CNTN5: variants seen among roughly 807,000 people sequenced by gnomAD.
CNTN5 encodes the protein contactin-5.
In CNTN5, 77 loss-of-function variants were observed where a neutral mutation model predicts 129.1. The observed-to-expected ratio is 0.60, with a 90% CI of 0.50 to 0.72. CNTN5 has a LOEUF of 0.72. Ranked by LOEUF, CNTN5 falls within the 30% of genes least tolerant of loss-of-function variation. The probability of loss-of-function intolerance (pLI) is 0.00; values close to 1 mark genes in which losing one functional copy is unlikely to be tolerated. For missense variants in CNTN5, 1,478 were observed against 1,328.8 expected, an observed-to-expected ratio of 1.11 and a Z score of -1.75; for synonymous variants, 509 against 465.6, an observed-to-expected ratio of 1.09 and a Z score of -1.20.
At chr11:100,226,763 A>T (rs1218661121) in intron 16 of CNTN5, among the ~76,000 whole-genome samples, 6 of 152,126 alleles carry the variant, frequency 3.9e-5, no homozygotes, top group Admixed American at 1.3e-4. Flanking sequence ...GTTCTCTTTT[A>T]AAAAATTTTG....
chr11:99,619,967 A>T (rs1214759588), intron 3 of CNTN5, among the ~76,000 whole-genome samples: 1 of 145,862 alleles, frequency 6.9e-6, no homozygotes, highest in African/African-American at 2.5e-5. Flanking sequence ...CGGAGCTTGC[A>T]GTGAGCCGAG....
At chr11:99,739,036 G>C (rs976711855) in intron 3 of CNTN5, among the ~76,000 whole-genome samples, 2 of 152,118 alleles carry the variant, frequency 1.3e-5, no homozygotes, top group African/African-American at 4.8e-5. Context: ...AAACATCTGA[G>C]TCTTCTGGGG....
intron 18 of CNTN5, among the ~76,000 whole-genome samples, chr11:100,272,383 A>C (rs1272404543): frequency 6.6e-6 from 1 of 152,214 alleles, no homozygotes; most frequent in Non-Finnish European, 1.5e-5. Context: ...AACTGAACCA[A>C]AAATATGACT....
intron 13 of CNTN5, among the ~76,000 whole-genome samples, chr11:100,159,362 A>G (rs1217566212): frequency 6.6e-6 from 1 of 151,988 alleles, no homozygotes. Flanking sequence ...ATATAATGTT[A>G]AATTTGTACT....
intron 15 of CNTN5, among the ~76,000 whole-genome samples, chr11:100,210,347 CAAAAAA>C (rs374618789): frequency 1.2e-5 from 1 of 80,916 alleles, no homozygotes; most frequent in Non-Finnish European, 2.4e-5. Context: ...GAGACTATCT[CAAAAAA>C]AAAAAAAAAA....
chr11:100,270,347 T>G (rs1950387149), intron 17 of CNTN5, among the ~76,000 whole-genome samples: 1 of 152,108 alleles, frequency 6.6e-6, no homozygotes, highest in African/African-American at 2.4e-5. Flanking sequence ...TACAAAGAAA[T>G]CCAAGAATGA....
intron 6 of CNTN5, among the ~76,000 whole-genome samples, chr11:99,871,292 G>A (rs1010778249): frequency 6.6e-6 from 1 of 151,836 alleles, no homozygotes; most frequent in African/African-American, 2.4e-5. Context: ...AATAATCAGA[G>A]CTCTACAATT....
intron 9 of CNTN5, among the ~76,000 whole-genome samples, chr11:100,050,070 T>A (rs534389052): frequency 0.023 from 3,540 of 152,256 alleles, 133 homozygotes; most frequent in African/African-American, 0.08. Flanking sequence ...AGTGTGGCGA[T>A]TCCTCAGGGA....
intron 7 of CNTN5, among the ~76,000 whole-genome samples, chr11:99,931,678 T>A (rs1175194161): frequency 1.3e-5 from 2 of 152,236 alleles, no homozygotes; most frequent in Non-Finnish European, 2.9e-5. Flanking sequence ...TGTTTCCATG[T>A]TACGTTCATT....
intron 13 of CNTN5, among the ~76,000 whole-genome samples, chr11:100,189,848 G>C (rs1948421074): frequency 6.6e-6 from 1 of 151,982 alleles, no homozygotes; most frequent in African/African-American, 2.4e-5. Flanking sequence ...TTTCTAGTTT[G>C]ACTTTTTTTC....
At chr11:99,922,098 G>A (rs1160115839) in intron 7 of CNTN5, among the ~76,000 whole-genome samples, 1 of 152,142 alleles carries the variant, frequency 6.6e-6, no homozygotes, top group Non-Finnish European at 1.5e-5. Context: ...GAGGTTTAAT[G>A]GACTCACAGT....
At position 99,131,235 on chromosome 11, in the gene CNTN5, G is replaced by A. The variant is rs1210397538; in HGVS notation, c.-210+109965G>A. ...TGCACTCCAGCCTGGGTGACAGAGT[G>A]AGACTCCATCTCAGAAAAAAAAAAA... On this transcript the variant is annotated intron_variant, in intron 1 of 24. Transcript: ENST00000524871. Among the ~76,000 whole-genome samples the A allele has an allele frequency of 1.9e-4, 13 of 69,276 alleles. No individual in the cohort carries two copies. In the Admixed American group the frequency reaches 2.4e-3, roughly 13 times the overall value. 45.4% of individuals were successfully genotyped at this position (69,276 alleles called of 152,430 possible). A position where few individuals can be genotyped will look rare whatever the true frequency, so the allele number is the denominator to read the frequency against.
intron 1 of CNTN5, among the ~76,000 whole-genome samples, chr11:99,132,498 G>A (rs551392572): frequency 2.6e-5 from 4 of 152,264 alleles, no homozygotes; most frequent in Non-Finnish European, 5.9e-5. Flanking sequence ...CCTATATCTA[G>A]AAAACCCCAT....
intron 1 of CNTN5, among the ~76,000 whole-genome samples, chr11:99,266,171 A>G (rs1159280571): frequency 6.6e-6 from 1 of 152,122 alleles, no homozygotes; most frequent in Non-Finnish European, 1.5e-5. Context: ...CCAACAATTG[A>G]CGATATTTGA....
At chr11:99,647,873 T>C (rs540948063) in intron 3 of CNTN5, among the ~76,000 whole-genome samples, 1 of 151,974 alleles carries the variant, frequency 6.6e-6, no homozygotes, top group Non-Finnish European at 1.5e-5. Context: ...TTCTTGTATG[T>C]TGATTTTGTA....
At chr11:99,792,096 C>T (rs192555244) in intron 3 of CNTN5, among the ~76,000 whole-genome samples, 4 of 151,804 alleles carry the variant, frequency 2.6e-5, no homozygotes, top group African/African-American at 9.7e-5. Context: ...TTATTTTTTT[C>T]TCTTGCCTGT....
At chr11:100,139,886 T>A (rs562752886) in intron 13 of CNTN5, among the ~76,000 whole-genome samples, 1 of 151,836 alleles carries the variant, frequency 6.6e-6, no homozygotes, top group Non-Finnish European at 1.5e-5. Flanking sequence ...AATAATAGGT[T>A]AATATTTAGA....
intron 2 of CNTN5, among the ~76,000 whole-genome samples, chr11:99,406,665 G>A (rs1020987289): frequency 6.6e-6 from 1 of 152,206 alleles, no homozygotes; most frequent in Non-Finnish European, 1.5e-5. Context: ...GACTTGGACA[G>A]GTCCAGAGGT....
chr11:99,875,721 G>T (rs1948615687), intron 6 of CNTN5, among the ~76,000 whole-genome samples: 3 of 150,006 alleles, frequency 2.0e-5, no homozygotes, highest in African/African-American at 7.3e-5. Context: ...CTAAAAGTCT[G>T]TACACTCTGG....
Sources: gnomAD v4.1 joint callset for allele counts (sites outside exome capture counted in the v4.1 genomes callset) on GRCh38, gnomAD v4.1.1 for gene constraint, MANE v1.5 for transcripts, NCBI Gene and HGNC (gene_info 2026-07-23, HGNC 2026-07-21) for gene names.